Variants in SLCO4A1 observed in about 807,000 individuals in gnomAD.
SLCO4A1 encodes solute carrier organic anion transporter family member 4A1.
A neutral mutation model predicts 64.6 loss-of-function variants in SLCO4A1; 51 were observed. The ratio of observed to expected loss-of-function variants is 0.79; its 90% CI spans 0.63 to 1.00. The LOEUF (loss-of-function observed/expected upper bound fraction) is 1.00. Among genes scored for constraint, SLCO4A1 ranks in the 50% least tolerant of loss-of-function variants. The probability of loss-of-function intolerance (pLI) is 0.00; values close to 1 mark genes in which losing one functional copy is unlikely to be tolerated. For synonymous variants in SLCO4A1, 471 were observed against 444.9 expected, an observed-to-expected ratio of 1.06 and a Z score of -0.74; for missense variants, 919 against 980.5, an observed-to-expected ratio of 0.94 and a Z score of 0.84.
At chr20:62,648,517 C>T (rs568238513) in intron 1 of SLCO4A1, among the ~76,000 whole-genome samples, 4 of 152,284 alleles carry the variant, frequency 2.6e-5, no homozygotes, top group South Asian at 2.1e-4. Flanking sequence ...GCATGGGAGC[C>T]GTGTGGCCGG....
In SLCO4A1 at chr20:62,644,763, A is replaced by G. The variant is rs1421890984; in HGVS notation, c.-97+2210A>G. ...GGTGGGTACTGCTGAGCCAATATAC[A>G]TTCCTGGCTTCCTGGACTCGTCCAC... On this transcript the variant is annotated intron_variant, in intron 1 of 11. Transcript: ENST00000217159. This position sits in a 1 kb window ranked among gnomAD's most constrained non-coding sequence, Gnocchi z 5.4. Among the ~76,000 whole-genome samples, 1 of 152,232 alleles carries G rather than the reference A, an allele frequency of 6.6e-6. No individual in the cohort carries two copies. Among genetic ancestry groups the G allele is most frequent in the African/African-American group, 2.4e-5 (1 of 41,470 alleles).
At chr20:62,676,386 C>T (rs1202374849), downstream of SLCO4A1, among the ~76,000 whole-genome samples, 3 of 152,244 alleles carry the variant, frequency 2.0e-5, no homozygotes, top group African/African-American at 7.2e-5. Flanking sequence ...TGCCACTGCA[C>T]TCTGGCCTGG....
downstream of SLCO4A1, among the ~76,000 whole-genome samples, chr20:62,688,882 G>A (rs548701642): frequency 2.6e-5 from 4 of 152,198 alleles, no homozygotes; most frequent in East Asian, 3.8e-4. Context: ...AACATTTTCC[G>A]AGAAGCCCTT....
Position 62,661,024 on chromosome 20 carries a change from CCCCCA to C in SLCO4A1, c.1010-39_1010-35del. 1 of 503,468 alleles carries C rather than the reference CCCCCA, an allele frequency of 2.0e-6. No homozygotes were observed. Among genetic ancestry groups the C allele is most frequent in the Non-Finnish European group, 4.0e-6 (1 of 249,186 alleles). The allele number at this position is 503,468 out of a possible 1,614,324, so 31.2% of individuals were successfully genotyped here. Reference sequence around the variant, plus strand: ...TCTCGGAGAAGTCCACCTCCGGGAGCCCCCAGCCCCCAGCCCCAGCTCACTCTGTG... The same window carrying C: ...TCTCGGAGAAGTCCACCTCCGGGAGCGCCCCCAGCCCCAGCTCACTCTGTG... On this transcript the variant is annotated intron_variant, in intron 4 of 11. Coordinates refer to ENST00000217159, the MANE Select transcript of SLCO4A1 (RefSeq NM_016354.4). The surrounding 1 kb of genome is among the most constrained non-coding windows in gnomAD (Gnocchi z 5.2).
downstream of SLCO4A1, among the ~76,000 whole-genome samples, chr20:62,674,650 G>C (rs1021416670): frequency 1.8e-4 from 28 of 152,244 alleles, no homozygotes; most frequent in Non-Finnish European, 3.7e-4. Flanking sequence ...GGCAGAGGCA[G>C]GGGCTGTGGA....
intron 6 of SLCO4A1, chr20:62,665,873 A>G (rs894446943): frequency 7.9e-6 from 1 of 125,940 alleles, no homozygotes; most frequent in African/African-American, 3.1e-5. Flanking sequence ...TGCCCTCCTC[A>G]CTTGTCAGCC....
Position 62,661,176 on chromosome 20 carries a change from G to A in SLCO4A1, c.1121+1G>A. On this transcript the variant is annotated splice_donor_variant, in intron 5 of 11. Transcript: ENST00000217159. LOFTEE classifies it high-confidence loss of function. The surrounding 1 kb of genome is among the most constrained non-coding windows in gnomAD (Gnocchi z 5.2). ...GGAAAACCATCAGAGACCTGCCTCT[G>A]TAAGGACCGGAGTCGGGAGGGTTCC... is the stretch of plus-strand genomic sequence containing the variant. The A allele has an allele frequency of 6.2e-7, 1 of 1,608,568 alleles. No homozygotes were observed. Among genetic ancestry groups the A allele is most frequent in the Non-Finnish European group, 8.5e-7 (1 of 1,175,530 alleles).
At chr20:62,690,274 C>T (rs986725666), downstream of SLCO4A1, among the ~76,000 whole-genome samples, 7 of 152,220 alleles carry the variant, frequency 4.6e-5, no homozygotes, top group East Asian at 1.9e-4. Context: ...GGGTGTCCGA[C>T]GTCTCATCAA....
downstream of SLCO4A1, among the ~76,000 whole-genome samples, chr20:62,673,125 T>C (rs1987399466): frequency 7.1e-6 from 1 of 141,772 alleles, no homozygotes. Flanking sequence ...GACGCTTGTG[T>C]GGAGCTCACT....
intron 5 of SLCO4A1, among the ~76,000 whole-genome samples, chr20:62,662,499 G>A (rs1016396639): frequency 1.3e-5 from 2 of 152,216 alleles, no homozygotes; most frequent in African/African-American, 4.8e-5. Flanking sequence ...TCCAGGGTTA[G>A]TTCCCTAAAC....
chr20:62,684,575 C>G lies in SLCO4A1; in HGVS notation n.212-866C>G, dbSNP rs141287165. On this transcript the variant is annotated intron_variant and non_coding_transcript_variant, in intron 2 of 2. Transcript: ENST00000466818. Reference sequence around the variant, plus strand: ...TGCTTGTCAGCACAGGGCCGGCCACCCTGGCACCAGTTCAGTCCCTAGGGA... The same window carrying G: ...TGCTTGTCAGCACAGGGCCGGCCACGCTGGCACCAGTTCAGTCCCTAGGGA... Among the ~76,000 whole-genome samples the G allele has an allele frequency of 4.8e-3, 724 of 152,280 alleles. 6 individuals carry two copies. Among genetic ancestry groups the G allele is most frequent in the African/African-American group, 0.016 (664 of 41,544 alleles).
intron 5 of SLCO4A1, among the ~76,000 whole-genome samples, chr20:62,663,706 C>T (rs1051488571): frequency 1.3e-5 from 2 of 152,152 alleles, no homozygotes; most frequent in African/African-American, 4.8e-5. Flanking sequence ...AGAAGGGTCA[C>T]GCACAGGAGC....
chr20:62,647,368 G>T (rs571576321), intron 1 of SLCO4A1, among the ~76,000 whole-genome samples: 1 of 152,324 alleles, frequency 6.6e-6, no homozygotes, highest in African/African-American at 2.4e-5. Flanking sequence ...GCCGTCAGGT[G>T]CCAGGAGGAG....
chr20:62,665,396 T>G, intron 6 of SLCO4A1: 1 of 299,196 alleles, frequency 3.3e-6, no homozygotes, highest in Non-Finnish European at 6.2e-6. Context: ...TGGACCTGGC[T>G]GTTCCATGAG....
rs112379455 is a variant in SLCO4A1 at position 62,665,334 on chromosome 20, C to T, written c.1276+246C>T. On this transcript the variant is annotated intron_variant, in intron 6 of 11. Coordinates refer to ENST00000217159, the MANE Select transcript of SLCO4A1 (RefSeq NM_016354.4). The stretch of plus-strand genomic sequence containing the variant: ...TAGGTGGAAGGGTCCACGGTGGGCT[C>T]CACCCCCTAGCCACCTAGTCTTGGC... 1,459 of 475,438 alleles carry T rather than the reference C, an allele frequency of 3.1e-3. 11 individuals carry two copies. Among genetic ancestry groups the T allele is most frequent in the African/African-American group, 0.022 (1,109 of 50,862 alleles). The allele number at this position is 475,438 out of a possible 1,614,324, so 29.5% of individuals were successfully genotyped here. A position where few individuals can be genotyped will look rare whatever the true frequency, so the allele number is the denominator to read the frequency against.
intron 7 of SLCO4A1, 30 bp from the exon 8 acceptor site, chr20:62,667,714 AC>A (rs1986619605): frequency 6.9e-6 from 11 of 1,591,704 alleles, no homozygotes; most frequent in Admixed American, 1.7e-5. Context: ...TCTGGCCTGG[AC>A]CCTACCACTC....
intron 5 of SLCO4A1, among the ~76,000 whole-genome samples, chr20:62,662,806 GA>G (rs1985265403): frequency 7.5e-6 from 1 of 132,736 alleles, no homozygotes; most frequent in African/African-American, 2.9e-5. Flanking sequence ...CCACACGCCA[GA>G]ACCCCCCCAG....
In SLCO4A1 at chr20:62,657,104, C is replaced by T. The variant is rs567670164; in HGVS notation, c.650C>T (p.Ala217Val). The change falls in exon 2 of 12, where the codon GCG becomes GTG. Residue 217 changes from alanine to valine, a missense_variant. By Grantham distance (64) the Ala-to-Val change is moderately conservative. Coordinates refer to ENST00000217159, the MANE Select transcript of SLCO4A1 (RefSeq NM_016354.4). ...CCTGCCAACCCCGGCGCGGTGTGTGCGGACAGCACCTCGGGCCTGTCCCGC... is the reference window on the plus strand; with the variant it reads ...CCTGCCAACCCCGGCGCGGTGTGTGTGGACAGCACCTCGGGCCTGTCCCGC... The part of the protein sequence containing the change: ...TCPANPGAVC[A>V]DSTSGLSRYQ... The T allele has an allele frequency of 1.7e-5, 27 of 1,593,666 alleles. No homozygotes were observed. The highest frequency in any genetic ancestry group is 6.8e-5 in the East Asian group (3 of 43,840).
intron 1 of SLCO4A1, among the ~76,000 whole-genome samples, chr20:62,648,724 G>A (rs1461040025): frequency 1.3e-5 from 2 of 152,110 alleles, no homozygotes; most frequent in East Asian, 3.9e-4. Flanking sequence ...GTGGTGTGCT[G>A]TCAGAGCCTC....
Sources: allele counts gnomAD v4.1 joint callset (sites outside exome capture counted in the v4.1 genomes callset), GRCh38; gene constraint gnomAD v4.1.1; non-coding constraint Gnocchi (gnomAD v3.1); transcripts MANE v1.5; gene names NCBI Gene and HGNC (gene_info 2026-07-23, HGNC 2026-07-21).